Variants in ADA observed in about 807,000 individuals in gnomAD.
ADA encodes the protein adenosine deaminase, also known as adenosine aminohydrolase.
A neutral mutation model predicts 49.0 loss-of-function variants in ADA; 45 were observed. That is an observed-to-expected ratio of 0.92 (90% CI 0.72 to 1.18). The LOEUF is 1.18. Ranked by LOEUF, ADA falls within the 50% of genes most tolerant of loss-of-function variation. The pLI is 0.00. For missense variants in ADA, 445 were observed against 472.5 expected, an observed-to-expected ratio of 0.94 and a Z score of 0.54; for synonymous variants, 173 against 184.2, an observed-to-expected ratio of 0.94 and a Z score of 0.49.
At chr20:44,643,279 C>G (rs773284667) in intron 1 of ADA, among the ~76,000 whole-genome samples, 2 of 152,212 alleles carry the variant, frequency 1.3e-5, no homozygotes, top group Non-Finnish European at 2.9e-5. Context: ...TCCCATTTTA[C>G]TGATGAAGAA....
At chr20:44,636,921 T>C (rs2065486138) in intron 1 of ADA, among the ~76,000 whole-genome samples, 1 of 152,128 alleles carries the variant, frequency 6.6e-6, no homozygotes, top group South Asian at 2.1e-4. Context: ...TTCTTGTGCC[T>C]CAGCCTCCGG....
intron 3 of ADA, among the ~76,000 whole-genome samples, chr20:44,627,275 G>A (rs1211180606): frequency 6.6e-6 from 1 of 151,708 alleles, no homozygotes. Flanking sequence ...TCTGCCTCCT[G>A]GGTTCAAGTG....
In ADA at chr20:44,620,297, A is replaced by C; in HGVS notation, c.1078+2T>G. ...TGCCCAGAAGCCCAGACAGGAACCT[A>C]CCTGCAGAGGCTGAAGGTGGCATCC... On this transcript the variant is annotated splice_donor_variant, in intron 11 of 11. Transcript: ENST00000372874. LOFTEE classifies it high-confidence loss of function. 6.2e-7 allele frequency: 1 copy of C among 1,613,628 alleles called. No homozygotes were observed. The highest frequency in any genetic ancestry group is 8.5e-7 in the Non-Finnish European group (1 of 1,179,676).
At chr20:44,629,317 T>G in intron 2 of ADA, 148 bp from the exon 3 acceptor site, 1 of 1,214,736 alleles carries the variant, frequency 8.2e-7, no homozygotes, top group South Asian at 1.5e-5. Context: ...CTGCTCCCAC[T>G]GGACAGATGG....
Position 44,622,911 on chromosome 20 carries a change from G to A in ADA, c.698C>T (p.Thr233Ile), listed in dbSNP as rs121908729. The A allele has an allele frequency of 6.2e-7, 1 of 1,614,256 alleles. No individual in the cohort carries two copies. Residue 233 changes from threonine (T) to isoleucine (I), a missense_variant, in exon 8 of 12, where the codon ACA becomes ATA. Coordinates refer to ENST00000372874, the MANE Select transcript of ADA (RefSeq NM_000022.4). The part of the protein sequence containing the change: ...VVKEAVDILK[T>I]ERLGHGYHTL... Reference sequence around the variant, plus strand: ...GTGGTAGCCGTGTCCCAGCCGCTCTGTCTTGAGTATGTCCACAGCCTGTAG... The same window carrying A: ...GTGGTAGCCGTGTCCCAGCCGCTCTATCTTGAGTATGTCCACAGCCTGTAG...
chr20:44,650,870 C>T (rs996348554), intron 1 of ADA, among the ~76,000 whole-genome samples: 3 of 152,158 alleles, frequency 2.0e-5, no homozygotes, highest in Non-Finnish European at 2.9e-5. Flanking sequence ...CTGCGACAGG[C>T]CAAGGGGGTC....
intron 1 of ADA, among the ~76,000 whole-genome samples, chr20:44,637,454 T>G (rs959619963): frequency 2.0e-5 from 3 of 152,064 alleles, no homozygotes; most frequent in African/African-American, 7.2e-5. Flanking sequence ...CAGCAGGCAG[T>G]GGGAGATGGT....
intron 6 of ADA, among the ~76,000 whole-genome samples, chr20:44,623,414 C>T (rs1031160100): frequency 1.2e-4 from 19 of 152,214 alleles, no homozygotes; most frequent in African/African-American, 2.2e-4. Flanking sequence ...GCTCTGAGCC[C>T]GGGCAGTGGG....
At chr20:44,634,655 A>C (rs2065463379) in intron 2 of ADA, among the ~76,000 whole-genome samples, 1 of 152,278 alleles carries the variant, frequency 6.6e-6, no homozygotes, top group Admixed American at 6.5e-5. Context: ...TATGCCTTGC[A>C]GTTAAATAGG....
At chr20:44,644,818 A>G (rs1013702684) in intron 1 of ADA, among the ~76,000 whole-genome samples, 1 of 152,212 alleles carries the variant, frequency 6.6e-6, no homozygotes, top group Non-Finnish European at 1.5e-5. Flanking sequence ...TCTCCTGCTG[A>G]CGGGGCCTGA....
intron 1 of ADA, among the ~76,000 whole-genome samples, chr20:44,649,819 T>A (rs1600953580): frequency 7.3e-6 from 1 of 137,686 alleles, no homozygotes; most frequent in Non-Finnish European, 1.5e-5. Context: ...CACTGCAAGC[T>A]CCACCTCCTG....
intron 11 of ADA, 68 bp from the exon 12 acceptor site, chr20:44,619,915 T>C (rs1040690656): frequency 4.0e-5 from 64 of 1,599,602 alleles, no homozygotes; most frequent in South Asian, 7.7e-5. Flanking sequence ...GTAAAAATCA[T>C]AGAACACCAG....
At chr20:44,641,696 G>A (rs541874254) in intron 1 of ADA, among the ~76,000 whole-genome samples, 2 of 152,238 alleles carry the variant, frequency 1.3e-5, no homozygotes, top group Admixed American at 1.3e-4. Flanking sequence ...TCCGCTTGTG[G>A]GTGGGACTGG....
chr20:44,622,766 C>T (rs886337650), intron 8 of ADA, 63 bp downstream of exon 8: 2 of 1,613,958 alleles, frequency 1.2e-6, no homozygotes, highest in Non-Finnish European at 1.7e-6. Flanking sequence ...CTGCTTTCTG[C>T]CTCTCTATAC....
intron 3 of ADA, among the ~76,000 whole-genome samples, chr20:44,628,480 C>G (rs935093544): frequency 6.6e-6 from 1 of 151,794 alleles, no homozygotes; most frequent in Non-Finnish European, 1.5e-5. Flanking sequence ...GAGCTGAGAT[C>G]GCACCACTGC....
intron 9 of ADA, among the ~76,000 whole-genome samples, chr20:44,621,531 G>A (rs2065332026): frequency 6.6e-6 from 1 of 152,140 alleles, no homozygotes; most frequent in Non-Finnish European, 1.5e-5. Flanking sequence ...CCCACTGGGA[G>A]CTGGCTACTC....
In ADA at chr20:44,622,994, C is replaced by T; in HGVS notation, c.678+13G>A. 6.2e-7 allele frequency: 1 copy of T among 1,614,210 alleles called. No homozygotes were observed. Among genetic ancestry groups the T allele is most frequent in the East Asian group, 2.2e-5 (1 of 44,874 alleles). On this transcript the variant is annotated intron_variant, in intron 7 of 11. Transcript: ENST00000372874. ...CAGTGAGGAGGGACCCCATGGCCAGCCCAGGCCCTCACCTCTTTTACTACT... is the reference window on the plus strand; with the variant it reads ...CAGTGAGGAGGGACCCCATGGCCAGTCCAGGCCCTCACCTCTTTTACTACT...
chr20:44,625,724 G>A (rs908247288), intron 4 of ADA, 40 bp from the exon 5 acceptor site: 2 of 1,508,618 alleles, frequency 1.3e-6, no homozygotes, highest in African/African-American at 2.8e-5. Context: ...TGAGGCAAAA[G>A]GAAGGCCTAA....
chr20:44,642,120 A>C (rs989425961), intron 1 of ADA, among the ~76,000 whole-genome samples: 1 of 152,034 alleles, frequency 6.6e-6, no homozygotes, highest in African/African-American at 2.4e-5. Flanking sequence ...GCTCTGCTTT[A>C]CTCTGGCACA....
Sources: gnomAD v4.1 joint callset for allele counts (sites outside exome capture counted in the v4.1 genomes callset) on GRCh38, gnomAD v4.1.1 for gene constraint, MANE v1.5 for transcripts, NCBI Gene and HGNC (gene_info 2026-07-23, HGNC 2026-07-21) for gene names.